Variants in F13A1 observed in about 807,000 individuals in gnomAD.
F13A1 encodes coagulation factor XIII A chain.
F13A1 carries 47 observed loss-of-function variants against 80.1 expected under a neutral mutation model. That is an observed-to-expected ratio of 0.59 (90% CI 0.46 to 0.75). The LOEUF is 0.75. F13A1 is among the 30% of genes least tolerant of loss of function. F13A1 has a pLI of 0.00. For missense variants in F13A1, 817 were observed against 930.4 expected, an observed-to-expected ratio of 0.88 and a Z score of 1.59; for synonymous variants, 349 against 344.9, an observed-to-expected ratio of 1.01 and a Z score of -0.13.
intron 11 of F13A1, 111 bp from the exon 12 acceptor site, chr6:6,174,978 G>A: frequency 7.8e-7 from 1 of 1,280,904 alleles, no homozygotes; most frequent in Non-Finnish European, 1.1e-6. Context: ...TATAATACAA[G>A]CTTCAGACCT....
chr6:6,197,248 G>A lies in F13A1; in HGVS notation c.1191C>T (p.Asp397=), dbSNP rs1296404384. 16 of 1,614,062 alleles carry A rather than the reference G, an allele frequency of 9.9e-6. No homozygotes were observed. Among genetic ancestry groups the A allele is most frequent in the African/African-American group, 2.7e-5 (2 of 74,932 alleles). The change falls in exon 9 of 15, where the codon GAC becomes GAT. Residue 397 remains aspartate, a synonymous_variant. Transcript: ENST00000264870. ...CATCGCTATTTTCCTGGGGGGTGCT[G>A]TCCACAGCTTGCCAGCCTCCAAATC... ...PVGFGGWQAV[D]STPQENSDGM...
intron 2 of F13A1, among the ~76,000 whole-genome samples, chr6:6,310,965 C>A (rs764730042): frequency 1.3e-5 from 2 of 152,098 alleles, no homozygotes; most frequent in Non-Finnish European, 2.9e-5. Flanking sequence ...ATCTTCTGAG[C>A]AGACAGGCTT....
At chr6:6,185,003 T>G (rs1028915325) in intron 10 of F13A1, among the ~76,000 whole-genome samples, 1 of 152,250 alleles carries the variant, frequency 6.6e-6, no homozygotes, top group South Asian at 2.1e-4. Context: ...TAAAAAAGCA[T>G]GGAATGATTG....
chr6:6,205,598 A>G (rs1761472524), intron 8 of F13A1, among the ~76,000 whole-genome samples: 1 of 152,154 alleles, frequency 6.6e-6, no homozygotes, highest in Non-Finnish European at 1.5e-5. Context: ...ATATTTATCA[A>G]GAGAATTGTA....
At chr6:6,223,991 ATCG>A (rs1203302278) in intron 7 of F13A1, among the ~76,000 whole-genome samples, 1 of 152,218 alleles carries the variant, frequency 6.6e-6, no homozygotes, top group African/African-American at 2.4e-5. Flanking sequence ...TAATTGTAAT[ATCG>A]TCTGGGTCTA....
At chr6:6,280,504 T>C (rs1758045508) in intron 3 of F13A1, among the ~76,000 whole-genome samples, 1 of 152,190 alleles carries the variant, frequency 6.6e-6, no homozygotes, top group African/African-American at 2.4e-5. Flanking sequence ...TAGATGTTCA[T>C]TGTTCCTTCA....
intron 13 of F13A1, among the ~76,000 whole-genome samples, chr6:6,152,340 G>A (rs1199514950): frequency 6.6e-6 from 1 of 152,158 alleles, no homozygotes; most frequent in Non-Finnish European, 1.5e-5. Context: ...GGATTCCTGA[G>A]TTTAAGAAGT....
At chr6:6,305,966 T>TATC (rs1432474375) in intron 2 of F13A1, among the ~76,000 whole-genome samples, 3 of 152,208 alleles carry the variant, frequency 2.0e-5, no homozygotes, top group Non-Finnish European at 4.4e-5. Flanking sequence ...TCAATTTTCT[T>TATC]ATCTTTCCAA....
At chr6:6,296,980 C>A (rs796958005) in intron 3 of F13A1, among the ~76,000 whole-genome samples, 822 of 140,276 alleles carry the variant, frequency 5.9e-3, no homozygotes, top group African/African-American at 0.019. Context: ...TTGTCAAAGG[C>A]CTTTTCTGCA....
chr6:6,206,418 T>C, intron 8 of F13A1: 1 of 466,326 alleles, frequency 2.1e-6, no homozygotes, highest in Admixed American at 2.4e-5. Flanking sequence ...GAGTGTTTTC[T>C]ATGTGGTTTA....
At chr6:6,176,451 G>A (rs1167471155) in intron 11 of F13A1, among the ~76,000 whole-genome samples, 2 of 152,190 alleles carry the variant, frequency 1.3e-5, no homozygotes, top group African/African-American at 4.8e-5. Context: ...TTTATTAGGT[G>A]AATTAGAGGA....
intron 3 of F13A1, 36 bp downstream of exon 3, chr6:6,305,315 A>G (rs1002216106): frequency 2.5e-6 from 4 of 1,611,868 alleles, no homozygotes; most frequent in Non-Finnish European, 2.5e-6. Flanking sequence ...AATGCAACCC[A>G]TGGTGTCAAG....
intron 6 of F13A1, 85 bp downstream of exon 6, chr6:6,248,227 T>C: frequency 9.3e-7 from 1 of 1,075,298 alleles, no homozygotes; most frequent in Non-Finnish European, 1.4e-6. Flanking sequence ...TAAGTCATCA[T>C]TTCAGCAGCT....
chr6:6,305,234 C>T (rs1464118763), intron 3 of F13A1, 117 bp downstream of exon 3: 6 of 1,163,270 alleles, frequency 5.2e-6, no homozygotes, highest in Non-Finnish European at 2.6e-6. Context: ...GGATGTCATT[C>T]CAGCTCCTGC....
intron 6 of F13A1, among the ~76,000 whole-genome samples, chr6:6,234,977 A>G (rs1757396376): frequency 1.3e-5 from 2 of 152,094 alleles, no homozygotes; most frequent in Admixed American, 6.6e-5. Flanking sequence ...ACACAGAAAT[A>G]GACTCACACA....
intron 6 of F13A1, 111 bp downstream of exon 6, chr6:6,248,198 AATG>A (rs1757579487): frequency 1.1e-6 from 1 of 904,102 alleles, no homozygotes; most frequent in Non-Finnish European, 1.8e-6. Context: ...GAATCTTACA[AATG>A]AAAGTTTATT....
At chr6:6,302,972 A>G (rs753853925) in intron 3 of F13A1, among the ~76,000 whole-genome samples, 42 of 152,200 alleles carry the variant, frequency 2.8e-4, no homozygotes, top group Admixed American at 3.3e-4. Flanking sequence ...ACTACTGTAT[A>G]TGGGACAAGA....
intron 3 of F13A1, among the ~76,000 whole-genome samples, chr6:6,282,773 C>G (rs1758084069): frequency 6.6e-6 from 1 of 152,186 alleles, no homozygotes; most frequent in Non-Finnish European, 1.5e-5. Flanking sequence ...AGTGACTGAT[C>G]ACTATGGAGG....
In F13A1 at chr6:6,145,433, T is replaced by TG. The variant is rs1231167875; in HGVS notation, c.*185dup. ...TGGAGAGATTAAAAACTAACTTCCT[T>TG]GCCGAATAGCCTGGGTTTGGAAAAG... On this transcript the variant is annotated 3_prime_UTR_variant, in exon 15 of 15. Transcript: ENST00000264870. 9 of 711,270 alleles carry TG rather than the reference T, an allele frequency of 1.3e-5. No homozygotes were observed. The highest frequency in any genetic ancestry group is 1.9e-5 in the Non-Finnish European group (8 of 412,366). 44.1% of individuals were successfully genotyped at this position (711,270 alleles called of 1,614,324 possible).
Sources: gnomAD v4.1 joint callset for allele counts (sites outside exome capture counted in the v4.1 genomes callset) on GRCh38, gnomAD v4.1.1 for gene constraint, MANE v1.5 for transcripts, NCBI Gene and HGNC (gene_info 2026-07-23, HGNC 2026-07-21) for gene names.